Variants in CTNNA3 observed in about 807,000 individuals in gnomAD.
The protein encoded by CTNNA3 is catenin alpha 3.
In CTNNA3, 76 loss-of-function variants were observed where a neutral mutation model predicts 95.7. The ratio of observed to expected loss-of-function variants is 0.79; its 90% CI spans 0.66 to 0.96. The LOEUF is 0.96. Among genes scored for constraint, CTNNA3 ranks in the 40% least tolerant of loss-of-function variants. The pLI is 0.00. For missense variants in CTNNA3, 1,191 were observed against 1,089.8 expected, an observed-to-expected ratio of 1.09 and a Z score of -1.31; for synonymous variants, 431 against 374.4, an observed-to-expected ratio of 1.15 and a Z score of -1.74.
intron 7 of CTNNA3, among the ~76,000 whole-genome samples, chr10:66,868,669 T>A: frequency 6.7e-6 from 1 of 149,942 alleles, no homozygotes; most frequent in Admixed American, 6.7e-5. Context: ...GAGAATCGCC[T>A]GAACCCAGAA....
intron 9 of CTNNA3, among the ~76,000 whole-genome samples, chr10:66,643,135 C>T (rs1845575735): frequency 2.0e-5 from 3 of 152,302 alleles, no homozygotes; most frequent in Admixed American, 1.3e-4. Context: ...CAAATCATCA[C>T]ACAGTTTAGT....
chr10:66,813,130 T>C (rs1205268607), intron 7 of CTNNA3, among the ~76,000 whole-genome samples: 1 of 152,172 alleles, frequency 6.6e-6, no homozygotes, highest in Non-Finnish European at 1.5e-5. Flanking sequence ...TGTTTGCAGG[T>C]ACATCATGTT....
chr10:65,995,984 T>C (rs950206980), intron 15 of CTNNA3, among the ~76,000 whole-genome samples: 1 of 152,064 alleles, frequency 6.6e-6, no homozygotes, highest in Admixed American at 6.5e-5. Context: ...AAACCTAGGC[T>C]CCCCTGGTAA....
At chr10:66,309,960 A>AAAT (rs1292812558) in intron 12 of CTNNA3, among the ~76,000 whole-genome samples, 14 of 146,952 alleles carry the variant, frequency 9.5e-5, no homozygotes, top group Admixed American at 6.1e-4. Flanking sequence ...TAAATAAAAT[A>AAAT]AAAATAAAAA....
chr10:66,726,759 T>A (rs1231078234), intron 9 of CTNNA3, among the ~76,000 whole-genome samples: 1 of 151,950 alleles, frequency 6.6e-6, no homozygotes, highest in Non-Finnish European at 1.5e-5. Context: ...ACTCATCCAC[T>A]GTATGTTTGA....
At chr10:67,520,938 G>C (rs1163292608) in intron 5 of CTNNA3, among the ~76,000 whole-genome samples, 1 of 152,178 alleles carries the variant, frequency 6.6e-6, no homozygotes, top group African/African-American at 2.4e-5. Context: ...GCTACTCTAA[G>C]AGGAAAGTCT....
intron 5 of CTNNA3, among the ~76,000 whole-genome samples, chr10:67,371,678 G>A (rs1843472503): frequency 6.6e-6 from 1 of 152,074 alleles, no homozygotes; most frequent in Non-Finnish European, 1.5e-5. Context: ...GAATAGTGCT[G>A]CAATAAACAT....
chr10:66,877,714 C>A (rs947863305), intron 7 of CTNNA3, among the ~76,000 whole-genome samples: 6 of 152,072 alleles, frequency 3.9e-5, no homozygotes, highest in African/African-American at 1.4e-4. Flanking sequence ...TAGAATCACC[C>A]CTTTTTATTC....
intron 9 of CTNNA3, among the ~76,000 whole-genome samples, chr10:66,659,547 C>G (rs964918283): frequency 6.6e-6 from 1 of 152,116 alleles, no homozygotes; most frequent in Non-Finnish European, 1.5e-5. Flanking sequence ...CTGCTATGGT[C>G]TGAATGCTTG....
Position 66,487,135 on chromosome 10 carries a change from T to C in CTNNA3, c.1531+33482A>G, listed in dbSNP as rs139758123. Reference sequence around the variant, plus strand: ...AATCTAATGTACAGCATGGTGACGATAGTAATAATACTCTGTTGTTTACTT... The same window carrying C: ...AATCTAATGTACAGCATGGTGACGACAGTAATAATACTCTGTTGTTTACTT... On this transcript the variant is annotated intron_variant, in intron 11 of 17. Transcript: ENST00000433211. 3.1e-3 allele frequency among the ~76,000 whole-genome samples: 456 copies of C among 148,696 alleles called. 3 individuals carry two copies. Among genetic ancestry groups the C allele is most frequent in the African/African-American group, 0.011 (439 of 40,276 alleles).
At chr10:66,786,149 T>C (rs1589253273) in intron 7 of CTNNA3, among the ~76,000 whole-genome samples, 1 of 152,120 alleles carries the variant, frequency 6.6e-6, no homozygotes, top group African/African-American at 2.4e-5. Flanking sequence ...GAGCTCCCTG[T>C]AGTTGCAGGC....
intron 5 of CTNNA3, among the ~76,000 whole-genome samples, chr10:67,403,026 C>T (rs1844983350): frequency 1.3e-5 from 2 of 152,210 alleles, no homozygotes; most frequent in African/African-American, 4.8e-5. Flanking sequence ...AGGGTAGTGC[C>T]TGCCTGAGAT....
intron 12 of CTNNA3, among the ~76,000 whole-genome samples, chr10:66,302,012 T>C (rs2091869717): frequency 6.6e-6 from 1 of 152,070 alleles, no homozygotes; most frequent in Non-Finnish European, 1.5e-5. Context: ...GTCTTTTGAT[T>C]TCTTATACAC....
At chr10:67,010,751 C>T (rs1852272025) in intron 7 of CTNNA3, among the ~76,000 whole-genome samples, 1 of 152,150 alleles carries the variant, frequency 6.6e-6, no homozygotes, top group Admixed American at 6.5e-5. Context: ...ACAATGTTTG[C>T]CATACCCCAA....
chr10:66,329,043 G>A (rs758617327), intron 12 of CTNNA3, among the ~76,000 whole-genome samples: 2 of 149,932 alleles, frequency 1.3e-5, no homozygotes, highest in Non-Finnish European at 1.5e-5. Context: ...CTCTGCCTCC[G>A]GAATTCAAGC....
At chr10:66,775,324 C>CTT (rs5785786) in intron 8 of CTNNA3, 120 bp downstream of exon 8, 62 of 650,722 alleles carry the variant, frequency 9.5e-5, no homozygotes, top group African/African-American at 2.2e-4. Context: ...TATATTTACT[C>CTT]TTTTTTTCCT....
At chr10:67,435,375 A>C (rs1846268523) in intron 5 of CTNNA3, among the ~76,000 whole-genome samples, 1 of 152,006 alleles carries the variant, frequency 6.6e-6, no homozygotes, top group African/African-American at 2.4e-5. Context: ...CAGCCAATAT[A>C]ACATTGAATA....
chr10:66,011,092 C>T (rs911227510), intron 15 of CTNNA3, among the ~76,000 whole-genome samples: 11 of 152,158 alleles, frequency 7.2e-5, no homozygotes, highest in African/African-American at 2.4e-4. Context: ...TACCTCATCC[C>T]TCACTTGACC....
chr10:66,210,320 C>T lies in CTNNA3; in HGVS notation c.1884+70150G>A, dbSNP rs569361151. Among the ~76,000 whole-genome samples, 23 of 150,510 alleles carry T rather than the reference C, an allele frequency of 1.5e-4. No individual in the cohort carries two copies. The South Asian group carries it at 4.0e-3, about 26-fold the overall frequency. ...ACTTCCTATAATTTACTAAGGCAAA[C>T]GAGATAACAAAAGCATCTGATTTAG... On this transcript the variant is annotated intron_variant, in intron 13 of 17. Transcript: ENST00000433211.
Sources: gnomAD v4.1 joint callset for allele counts (sites outside exome capture counted in the v4.1 genomes callset) on GRCh38, gnomAD v4.1.1 for gene constraint, MANE v1.5 for transcripts, NCBI Gene and HGNC (gene_info 2026-07-23, HGNC 2026-07-21) for gene names.